The following CFHR4 variants were observed in gnomAD, a reference collection of about 807,000 sequenced individuals.
CFHR4 encodes the protein complement factor H-related protein 4.
A neutral mutation model predicts 69.3 loss-of-function variants in CFHR4; 64 were observed. The observed-to-expected ratio is 0.92, with a 90% confidence interval of 0.76 to 1.14. CFHR4 has a LOEUF of 1.14. Among genes scored for constraint, CFHR4 ranks in the 50% most tolerant of loss-of-function variants. The probability of loss-of-function intolerance (pLI) is 0.00; values close to 1 mark genes in which losing one functional copy is unlikely to be tolerated. For missense variants in CFHR4, 636 were observed against 684.9 expected, an observed-to-expected ratio of 0.93 and a Z score of 0.80; for synonymous variants, 244 against 237.0, an observed-to-expected ratio of 1.03 and a Z score of -0.27.
chr1:196,888,279 T>A, intron 1 of CFHR4, 71 bp downstream of exon 1: 2 of 1,467,698 alleles, frequency 1.4e-6, no homozygotes, highest in Non-Finnish European at 1.9e-6. Context: ...TAACTTCATA[T>A]GTCTATAATT....
intron 2 of CFHR4, among the ~76,000 whole-genome samples, chr1:196,904,718 T>C (rs921749745): frequency 6.6e-6 from 1 of 151,592 alleles, no homozygotes. Context: ...TAGCAGTGTG[T>C]ACTGTATCTT....
At chr1:196,901,956 A>G (rs936153819) in intron 1 of CFHR4, among the ~76,000 whole-genome samples, 4 of 151,490 alleles carry the variant, frequency 2.6e-5, no homozygotes, top group Non-Finnish European at 5.9e-5. Flanking sequence ...GTGTGATGTG[A>G]TCAATGAGAA....
rs774021938 is a variant in CFHR4 at position 196,906,889 on chromosome 1, T to C, written c.468T>C (p.Asn156=). The part of the protein sequence containing the change: ...IKFCDMPVFE[N]SRAKSNGMWF... The stretch of plus-strand genomic sequence containing the variant: ...TTTGTGATATGCCTGTTTTTGAGAA[T>C]TCCAGAGCCAAGAGTAATGGCATGT... Residue 156 remains asparagine (N), a synonymous_variant, in exon 4 of 10, where the codon AAT becomes AAC. Transcript: ENST00000608469. The C allele has an allele frequency of 5.6e-6, 9 of 1,604,456 alleles. No homozygotes were observed. Among genetic ancestry groups the C allele is most frequent in the Non-Finnish European group, 6.8e-6 (8 of 1,177,276 alleles).
At chr1:196,895,707 A>C (rs565303947) in intron 1 of CFHR4, among the ~76,000 whole-genome samples, 3 of 151,248 alleles carry the variant, frequency 2.0e-5, no homozygotes, top group Non-Finnish European at 4.4e-5. Context: ...CAGTATCTTT[A>C]ATACAGTTAT....
intron 5 of CFHR4, among the ~76,000 whole-genome samples, chr1:196,909,258 C>T (rs867076353): frequency 1.2e-4 from 18 of 151,278 alleles, no homozygotes; most frequent in Non-Finnish European, 8.8e-5. Flanking sequence ...AAGATCAGTT[C>T]CATGATACAA....
At chr1:196,907,951 T>C (rs1033155944) in intron 5 of CFHR4, among the ~76,000 whole-genome samples, 1 of 151,336 alleles carries the variant, frequency 6.6e-6, no homozygotes, top group Non-Finnish European at 1.5e-5. Flanking sequence ...GTGGCACATG[T>C]ACACCATGGA....
chr1:196,912,352 A>G (rs972235860), intron 6 of CFHR4, among the ~76,000 whole-genome samples: 1 of 151,376 alleles, frequency 6.6e-6, no homozygotes, highest in African/African-American at 2.4e-5. Flanking sequence ...TGCCTGGGAA[A>G]TGGCATTTGA....
At chr1:196,902,187 A>C (rs1224893002) in intron 1 of CFHR4, among the ~76,000 whole-genome samples, 2 of 151,414 alleles carry the variant, frequency 1.3e-5, no homozygotes. Flanking sequence ...GGGCTACGAT[A>C]TATGTACTCA....
At position 196,892,798 on chromosome 1, in the gene CFHR4, T is replaced by A. The variant is rs182550218; in HGVS notation, c.58+4590T>A. Among the ~76,000 whole-genome samples, 155 of 151,664 alleles carry A rather than the reference T, an allele frequency of 1.0e-3. 3 individuals are homozygous for A. Among genetic ancestry groups the A allele is most frequent in the Admixed American group, 9.2e-3 (140 of 15,218 alleles). On this transcript the variant is annotated intron_variant, in intron 1 of 9. Transcript: ENST00000608469. ...CTGTTAAGAACAGATAAATCATTCA[T>A]GAAGCATTCAAGTCAAAAAGAATTT...
At chr1:196,888,570 T>C (rs2124928982) in intron 1 of CFHR4, among the ~76,000 whole-genome samples, 1 of 151,246 alleles carries the variant, frequency 6.6e-6, no homozygotes, top group South Asian at 2.1e-4. Context: ...AAGGGAAACT[T>C]TGGGAGTGAT....
rs759365639 is a variant in CFHR4 at position 196,888,120 on chromosome 1, T to C, written c.-31T>C. On this transcript the variant is annotated 5_prime_UTR_variant, in exon 1 of 10. Transcript: ENST00000608469. Reference sequence around the variant, plus strand: ...ACCCCAAACAGTGCAACTGAAACTTTTGCATTACTATACTACTGAGAATAT... The same window carrying C: ...ACCCCAAACAGTGCAACTGAAACTTCTGCATTACTATACTACTGAGAATAT... The C allele has an allele frequency of 1.9e-5, 30 of 1,603,808 alleles. 1 individual carries two copies. The highest frequency in any genetic ancestry group is 1.2e-4 in the South Asian group (11 of 90,744).
chr1:196,889,654 C>T (rs963043497), intron 1 of CFHR4, among the ~76,000 whole-genome samples: 1 of 151,542 alleles, frequency 6.6e-6, no homozygotes, highest in East Asian at 1.9e-4. Flanking sequence ...AGTGGAATAA[C>T]ATCTTGGGTA....
rs1400123003 is a variant in CFHR4 at position 196,910,376 on chromosome 1, T to G, written c.895T>G (p.Tyr299Asp). Residue 299 changes from tyrosine to aspartate, a missense_variant, in exon 6 of 10, where the codon TAC (tyrosine) becomes GAC (aspartate). Physicochemically the swap from Tyr to Asp is radical, Grantham distance 160. Coordinates refer to ENST00000608469, the MANE Select transcript of CFHR4 (RefSeq NM_001201550.3). ...PYFPVATGQSYSYYCDQNFVT... is the reference protein window; with the variant it reads ...PYFPVATGQSDSYYCDQNFVT... Reference sequence around the variant, plus strand: ...CTTTCCAGTAGCTACAGGACAATCTTACTCCTATTACTGTGACCAAAATTT... The same window carrying G: ...CTTTCCAGTAGCTACAGGACAATCTGACTCCTATTACTGTGACCAAAATTT... The G allele has an allele frequency of 6.2e-7, 1 of 1,611,564 alleles. No homozygotes were observed. Among genetic ancestry groups the G allele is most frequent in the African/African-American group, 1.3e-5 (1 of 74,326 alleles).
At chr1:196,898,894 G>T (rs1230818430) in intron 1 of CFHR4, among the ~76,000 whole-genome samples, 1 of 151,536 alleles carries the variant, frequency 6.6e-6, no homozygotes, top group African/African-American at 2.4e-5. Flanking sequence ...TCCACAGGTT[G>T]CTTGAATGGC....
chr1:196,903,356 G>T (rs1446907372), intron 2 of CFHR4, among the ~76,000 whole-genome samples: 1 of 151,194 alleles, frequency 6.6e-6, no homozygotes, highest in Non-Finnish European at 1.5e-5. Context: ...AGCAGCAATA[G>T]AAATATAAGT....
At chr1:196,908,172 A>G (rs1424076415) in intron 5 of CFHR4, among the ~76,000 whole-genome samples, 1 of 151,234 alleles carries the variant, frequency 6.6e-6, no homozygotes, top group Non-Finnish European at 1.5e-5. Context: ...ATGGGGAGCT[A>G]GGGGAGGGAT....
At chr1:196,911,505 G>A (rs1274538306) in intron 6 of CFHR4, among the ~76,000 whole-genome samples, 1 of 142,406 alleles carries the variant, frequency 7.0e-6, no homozygotes, top group Non-Finnish European at 1.5e-5. Flanking sequence ...TATAGTTAAT[G>A]CTCTGTTGCT....
rs1335524821 is a variant in CFHR4, at chr1:196,914,972, TG to T, written c.1377del (p.Pro460LeufsTer15). 6.2e-7 allele frequency: 1 copy of T among 1,611,382 alleles called. No individual in the cohort carries two copies. On this transcript the variant is annotated frameshift_variant, in exon 9 of 10. Transcript: ENST00000608469. LOFTEE classifies it high-confidence loss of function. ...PTCYNSSEKCGPPPPISNGDT... is the reference protein window; with the variant it reads ...PTCYNSSEKCXPPPPISNGDT... Reference sequence around the variant, plus strand: ...TTTTTTCAGATTCTTCAGAAAAGTGTGGGCCTCCTCCACCTATTAGCAATGG... The same window carrying T: ...TTTTTTCAGATTCTTCAGAAAAGTGTGGCCTCCTCCACCTATTAGCAATGG...
Position 196,891,815 on chromosome 1 carries a change from A to C in CFHR4, c.58+3607A>C, listed in dbSNP as rs187176364. 4.0e-3 allele frequency among the ~76,000 whole-genome samples: 611 copies of C among 151,330 alleles called. 23 individuals are homozygous for C. Among genetic ancestry groups the C allele is most frequent in the African/African-American group, 0.013 (520 of 41,074 alleles). On this transcript the variant is annotated intron_variant, in intron 1 of 9. Coordinates refer to ENST00000608469, the MANE Select transcript of CFHR4 (RefSeq NM_001201550.3). ...TATACATATACATATATAAATATAC[A>C]TATAGAATGTATGAATATATATGTA...
Sources: gnomAD v4.1 joint callset for allele counts (sites outside exome capture counted in the v4.1 genomes callset) on GRCh38, gnomAD v4.1.1 for gene constraint, MANE v1.5 for transcripts, NCBI Gene and HGNC (gene_info 2026-07-23, HGNC 2026-07-21) for gene names.